FSD1L: variants seen among roughly 807,000 people sequenced by gnomAD.
The protein encoded by FSD1L is FSD1-like protein.
Under a neutral mutation model 71.6 loss-of-function variants are expected in FSD1L, and 45 were observed. The ratio of observed to expected loss-of-function variants is 0.63; its 90% confidence interval spans 0.49 to 0.81. The LOEUF is 0.81. FSD1L is among the 30% of genes least tolerant of loss of function. The pLI is 0.00. For missense variants in FSD1L, 561 were observed against 618.1 expected (o/e 0.91, Z 0.98); for synonymous variants, 197 against 207.2 (o/e 0.95, Z 0.42).
rs1450926861 is a variant in FSD1L at position 105,512,925 on chromosome 9, G to T, written c.1014G>T (p.Glu338Asp). The change falls in exon 10 of 14, where the codon GAG becomes GAT. Residue 338 changes from glutamate (E) to aspartate (D), a missense_variant. Glu to Asp is a conservative substitution (Grantham distance 45, BLOSUM62 2). This residue lies in a region of FSD1L where 410 missense variants were observed against 413.5 expected (regional missense o/e 0.99). Transcript: ENST00000481272. ...AAGAAAGTAAAATTAAAGGAAAAGA[G>T]AACAAGGGCAGGTAAGCTAGACCAT... ...KGQESKIKGK[E>D]NKGRSGTPSP... 1 of 1,535,436 alleles carries T rather than the reference G, an allele frequency of 6.5e-7. No homozygotes were observed. The highest frequency in any genetic ancestry group is 1.2e-5 in the South Asian group (1 of 80,454).
intron 10 of FSD1L, chr9:105,521,513 A>G (rs913234048): frequency 1.2e-6 from 2 of 1,613,944 alleles, no homozygotes; most frequent in Admixed American, 1.7e-5. Context: ...AGGCATTTTT[A>G]TTACCAATTT....
chr9:105,488,054 T>C (rs1020611626), intron 7 of FSD1L, among the ~76,000 whole-genome samples: 4 of 152,204 alleles, frequency 2.6e-5, no homozygotes, highest in African/African-American at 9.6e-5. Context: ...ATAGTTTACA[T>C]TGGGGGTTCC....
Position 105,461,400 on chromosome 9 carries a change from T to C in FSD1L, c.16-120T>C, listed in dbSNP as rs1830686053. On this transcript the variant is annotated intron_variant, in intron 1 of 13. Transcript: ENST00000481272. Reference sequence around the variant, plus strand: ...CATTAATTGTTAAATATTGACTACATGTTGAAATGATAATATATTTTGAAT... The same window carrying C: ...CATTAATTGTTAAATATTGACTACACGTTGAAATGATAATATATTTTGAAT... The C allele has an allele frequency of 3.7e-5, 17 of 458,280 alleles. No individual in the cohort carries two copies. In the East Asian group the frequency reaches 5.6e-4, roughly 15 times the overall value. 28.4% of individuals were successfully genotyped at this position (458,280 alleles called of 1,614,324 possible).
At chr9:105,542,248 C>T (rs1024816864) in intron 13 of FSD1L, among the ~76,000 whole-genome samples, 3 of 152,076 alleles carry the variant, frequency 2.0e-5, no homozygotes, top group South Asian at 2.1e-4. Context: ...TTGGTCATAT[C>T]CTTGCCATTA....
chr9:105,535,523 C>G (rs542222936), intron 12 of FSD1L, among the ~76,000 whole-genome samples: 2 of 152,232 alleles, frequency 1.3e-5, no homozygotes, highest in East Asian at 3.9e-4. Flanking sequence ...TAAAAGCACT[C>G]ATTTATAATA....
intron 12 of FSD1L, 139 bp from the exon 13 acceptor site, chr9:105,539,124 G>A: frequency 5.5e-6 from 3 of 545,808 alleles, no homozygotes; most frequent in Admixed American, 7.4e-5. Flanking sequence ...ATTTTCAAGT[G>A]AGAATAATTA....
chr9:105,505,476 G>A (rs191064640), intron 7 of FSD1L, among the ~76,000 whole-genome samples: 29 of 152,280 alleles, frequency 1.9e-4, no homozygotes, highest in Middle Eastern at 3.4e-3. Context: ...GGTCAGGCTG[G>A]TCTCGAACTC....
chr9:105,511,332 G>A (rs538354631), intron 9 of FSD1L, among the ~76,000 whole-genome samples: 1 of 151,966 alleles, frequency 6.6e-6, no homozygotes, highest in African/African-American at 2.4e-5. Context: ...TTGAGAATTG[G>A]TGGCACCTTA....
At chr9:105,471,327 T>A (rs1306730516) in intron 4 of FSD1L, among the ~76,000 whole-genome samples, 2 of 152,154 alleles carry the variant, frequency 1.3e-5, no homozygotes, top group Non-Finnish European at 2.9e-5. Context: ...TTGATATCTG[T>A]TGTTTGTCGG....
chr9:105,475,038 G>A (rs565482587), intron 5 of FSD1L, among the ~76,000 whole-genome samples: 7 of 152,308 alleles, frequency 4.6e-5, no homozygotes, highest in East Asian at 1.9e-4. Flanking sequence ...TAATAAATTG[G>A]CAACATCCCA....
intron 7 of FSD1L, among the ~76,000 whole-genome samples, chr9:105,491,180 A>G (rs372660213): frequency 6.6e-6 from 1 of 151,576 alleles, no homozygotes; most frequent in Admixed American, 6.6e-5. Context: ...CTTTTATTTC[A>G]TTGAGCAGTG....
At chr9:105,520,376 A>G (rs1019394206) in intron 10 of FSD1L, 12 of 1,199,894 alleles carry the variant, frequency 1.0e-5, no homozygotes, top group African/African-American at 3.0e-5. Context: ...TGCAGAATCT[A>G]TTGATCTTAA....
At chr9:105,474,190 G>A (rs1831650676) in intron 5 of FSD1L, among the ~76,000 whole-genome samples, 1 of 152,122 alleles carries the variant, frequency 6.6e-6, no homozygotes, top group African/African-American at 2.4e-5. Context: ...CTTCTATGCT[G>A]CAAACCTGTG....
At chr9:105,513,033 A>C in intron 10 of FSD1L, 97 bp downstream of exon 10, 1 of 1,033,370 alleles carries the variant, frequency 9.7e-7, no homozygotes, top group Non-Finnish European at 1.3e-6. Context: ...CAATATACCT[A>C]TGAGAGTTAC....
At chr9:105,527,349 T>C (rs889088908) in intron 10 of FSD1L, among the ~76,000 whole-genome samples, 2 of 151,946 alleles carry the variant, frequency 1.3e-5, no homozygotes, top group Non-Finnish European at 2.9e-5. Context: ...AGGAAAATTT[T>C]CTGATATAAA....
At chr9:105,459,577 C>T (rs1444650545) in intron 1 of FSD1L, among the ~76,000 whole-genome samples, 1 of 152,174 alleles carries the variant, frequency 6.6e-6, no homozygotes, top group Non-Finnish European at 1.5e-5. Flanking sequence ...CCTTGGGGAA[C>T]TTTGCGAATA....
intron 10 of FSD1L, 97 bp downstream of exon 10, chr9:105,513,033 A>G (rs755103305): frequency 2.1e-5 from 22 of 1,033,252 alleles, no homozygotes; most frequent in African/African-American, 3.3e-5. Flanking sequence ...CAATATACCT[A>G]TGAGAGTTAC....
chr9:105,521,052 C>T, intron 10 of FSD1L: 2 of 1,613,146 alleles, frequency 1.2e-6, no homozygotes, highest in South Asian at 1.1e-5. Context: ...TCATCCTATA[C>T]TTGACATCCC....
chr9:105,448,562 C>G (rs1213275206), intron 1 of FSD1L, among the ~76,000 whole-genome samples: 3 of 152,206 alleles, frequency 2.0e-5, no homozygotes, highest in African/African-American at 7.2e-5. Context: ...TGCCTGCAGA[C>G]TGCGAGCGTG....
Sources: allele counts gnomAD v4.1 joint callset (sites outside exome capture counted in the v4.1 genomes callset), GRCh38; gene constraint gnomAD v4.1.1; regional missense constraint gnomAD v4.1.1; transcripts MANE v1.5; gene names NCBI Gene and HGNC (gene_info 2026-07-23, HGNC 2026-07-21).